DIAPH3: variants seen among roughly 807,000 people sequenced by gnomAD.
The protein encoded by DIAPH3 is diaphanous related formin 3, also known as protein diaphanous homolog 3.
DIAPH3 carries 117 observed loss-of-function variants against 144.3 expected under a neutral mutation model. The ratio of observed to expected loss-of-function variants is 0.81; its 90% confidence interval spans 0.70 to 0.95. DIAPH3 has a LOEUF of 0.95. Among genes scored for constraint, DIAPH3 ranks in the 40% least tolerant of loss-of-function variants. The pLI, the probability that DIAPH3 is intolerant of heterozygous loss-of-function variation, is 0.00. For synonymous variants in DIAPH3, 519 were observed against 488.9 expected (o/e 1.06, Z -0.81); for missense variants, 1,421 against 1,412.7 (o/e 1.01, Z -0.09).
At chr13:59,826,714 G>A (rs1358972407) in intron 24 of DIAPH3, among the ~76,000 whole-genome samples, 3 of 151,682 alleles carry the variant, frequency 2.0e-5, no homozygotes, top group East Asian at 1.9e-4. Context: ...AAAAGAGCCC[G>A]CATCGCCAAG....
Position 59,843,912 on chromosome 13 carries a change from G to A in DIAPH3, c.2738-4464C>T, listed in dbSNP as rs117231863. Among the ~76,000 whole-genome samples the A allele has an allele frequency of 3.2e-3, 486 of 152,184 alleles. 1 individual carries two copies. The highest frequency in any genetic ancestry group is 3.6e-3 in the Non-Finnish European group (246 of 68,004). On this transcript the variant is annotated intron_variant, in intron 22 of 27. Transcript: ENST00000400324. ...CGGATCTGAATAATGGGAACACATG[G>A]ACACAGGGAGGGGAACAACACACAG...
chr13:59,887,186 T>TA (rs1318856710), intron 20 of DIAPH3, among the ~76,000 whole-genome samples: 2 of 152,108 alleles, frequency 1.3e-5, no homozygotes, highest in Non-Finnish European at 2.9e-5. Flanking sequence ...TGTATTTTTT[T>TA]ATCTGATAAT....
At chr13:60,112,741 G>A (rs748210744) in intron 2 of DIAPH3, among the ~76,000 whole-genome samples, 8 of 152,088 alleles carry the variant, frequency 5.3e-5, no homozygotes, top group Non-Finnish European at 1.2e-4. Context: ...TGAACTTCTT[G>A]AATATCTACA....
chr13:59,869,065 AT>A (rs2044100945), intron 21 of DIAPH3, among the ~76,000 whole-genome samples: 1 of 152,126 alleles, frequency 6.6e-6, no homozygotes, highest in South Asian at 2.1e-4. Context: ...TTTTCAATTC[AT>A]TTGGGTAAAC....
chr13:59,772,633 C>T (rs2038182615), intron 27 of DIAPH3, among the ~76,000 whole-genome samples: 1 of 152,084 alleles, frequency 6.6e-6, no homozygotes, highest in Admixed American at 6.6e-5. Context: ...AGTCACAAGG[C>T]TGAGTTCTCC....
At chr13:59,744,352 C>T (rs916214745) in intron 27 of DIAPH3, among the ~76,000 whole-genome samples, 1 of 152,054 alleles carries the variant, frequency 6.6e-6, no homozygotes. Context: ...ATACTATGTG[C>T]TGGGTATTCT....
At chr13:60,066,714 T>G (rs1447329079) in intron 4 of DIAPH3, among the ~76,000 whole-genome samples, 1 of 152,356 alleles carries the variant, frequency 6.6e-6, no homozygotes, top group South Asian at 2.1e-4. Flanking sequence ...TCAATGAAAT[T>G]AGAATTCTTG....
In DIAPH3 at chr13:59,793,572, T is replaced by A. The variant is rs556680887; in HGVS notation, c.3163+17216A>T. 2.0e-5 allele frequency among the ~76,000 whole-genome samples: 3 copies of A among 152,334 alleles called. No homozygotes were observed. The South Asian group carries it at 6.2e-4, about 32-fold the overall frequency. On this transcript the variant is annotated intron_variant, in intron 25 of 27. Transcript: ENST00000400324. ...ATGGTCTCTTCCTTGGGCTTCATGA[T>A]ACCAGACTTTCTTGGTCTTCCTACT... is the stretch of plus-strand genomic sequence containing the variant.
intron 1 of DIAPH3, among the ~76,000 whole-genome samples, chr13:60,149,053 T>C (rs2138379247): frequency 6.6e-6 from 1 of 152,328 alleles, no homozygotes; most frequent in African/African-American, 2.4e-5. Context: ...GAGCATGGTA[T>C]TCAGAGAGAC....
intron 18 of DIAPH3, among the ~76,000 whole-genome samples, chr13:59,918,034 C>T (rs572543832): frequency 3.3e-5 from 5 of 150,878 alleles, no homozygotes; most frequent in Middle Eastern, 3.4e-3. Flanking sequence ...TCCACCCTCA[C>T]AGAAACATGA....
intron 22 of DIAPH3, among the ~76,000 whole-genome samples, chr13:59,842,104 T>C (rs1364102774): frequency 6.6e-6 from 1 of 152,106 alleles, no homozygotes; most frequent in Non-Finnish European, 1.5e-5. Flanking sequence ...TTCTTGCCCA[T>C]TGCAATCACA....
At chr13:60,087,443 A>C (rs149938011) in intron 4 of DIAPH3, among the ~76,000 whole-genome samples, 266 of 152,344 alleles carry the variant, frequency 1.7e-3, no homozygotes, top group African/African-American at 6.0e-3. Flanking sequence ...AAATATATAC[A>C]TACACACAAG....
intron 22 of DIAPH3, 154 bp downstream of exon 22, chr13:59,861,253 A>G (rs1000163982): frequency 1.3e-6 from 2 of 1,527,094 alleles, no homozygotes; most frequent in African/African-American, 2.8e-5. Flanking sequence ...ATGACAACTC[A>G]TAATATCCTA....
intron 13 of DIAPH3, among the ~76,000 whole-genome samples, chr13:59,983,151 A>AAC (rs2051133542): frequency 3.3e-5 from 5 of 149,998 alleles, no homozygotes; most frequent in African/African-American, 9.7e-5. Flanking sequence ...AAAAAAAAAA[A>AAC]AAAAAAAACT....
In DIAPH3 at chr13:59,666,382, G is replaced by T; in HGVS notation, c.*202C>A. Reference sequence around the variant, plus strand: ...CAAAAAAAAAAAAAAAAGGATTAAAGCCCGGTACAATCTTGAATAAACCAA... The same window carrying T: ...CAAAAAAAAAAAAAAAAGGATTAAATCCCGGTACAATCTTGAATAAACCAA... On this transcript the variant is annotated 3_prime_UTR_variant, in exon 28 of 28. Coordinates refer to ENST00000400324, the MANE Select transcript of DIAPH3 (RefSeq NM_001042517.2). The T allele has an allele frequency of 8.2e-6, 4 of 486,020 alleles. No individual in the cohort carries two copies. Among genetic ancestry groups the T allele is most frequent in the African/African-American group, 2.1e-5 (1 of 46,778 alleles). 30.1% of individuals were successfully genotyped at this position (486,020 alleles called of 1,614,324 possible).
intron 2 of DIAPH3, among the ~76,000 whole-genome samples, chr13:60,125,394 ATTTTTTTTT>A (rs56267083): frequency 4.1e-5 from 4 of 97,830 alleles, no homozygotes; most frequent in Non-Finnish European, 5.9e-5. Flanking sequence ...CACCCAGCTA[ATTTTTTTTT>A]TTTTTTTTTT....
At chr13:59,860,415 G>A (rs1179891761) in intron 22 of DIAPH3, among the ~76,000 whole-genome samples, 1 of 152,160 alleles carries the variant, frequency 6.6e-6, no homozygotes, top group Non-Finnish European at 1.5e-5. Flanking sequence ...TTGACACCAA[G>A]TAAAGTTGAA....
At chr13:60,058,940 G>T (rs1231098380) in intron 4 of DIAPH3, among the ~76,000 whole-genome samples, 3 of 151,810 alleles carry the variant, frequency 2.0e-5, no homozygotes, top group Non-Finnish European at 4.4e-5. Flanking sequence ...CAAGTGACAA[G>T]TGCATCAAAT....
intron 3 of DIAPH3, among the ~76,000 whole-genome samples, chr13:60,106,180 A>C (rs2138021156): frequency 6.6e-6 from 1 of 152,266 alleles, no homozygotes; most frequent in Non-Finnish European, 1.5e-5. Flanking sequence ...TTAGATATTA[A>C]GGTTTATTAT....
Sources: gnomAD v4.1 joint callset for allele counts (sites outside exome capture counted in the v4.1 genomes callset) on GRCh38, gnomAD v4.1.1 for gene constraint, MANE v1.5 for transcripts, NCBI Gene and HGNC (gene_info 2026-07-23, HGNC 2026-07-21) for gene names.